SDK1: variants seen among roughly 807,000 people sequenced by gnomAD.
SDK1 encodes the protein sidekick cell adhesion molecule 1.
Under a neutral mutation model 245.5 loss-of-function variants are expected in SDK1, and 157 were observed. That is an observed-to-expected ratio of 0.64 (90% CI 0.56 to 0.73). SDK1 has a LOEUF of 0.73. Ranked by LOEUF, SDK1 falls within the 30% of genes least tolerant of loss-of-function variation. The probability of loss-of-function intolerance (pLI) is 0.00; values close to 1 mark genes in which losing one functional copy is unlikely to be tolerated. For missense variants in SDK1, 3,583 were observed against 3,002.3 expected (o/e 1.19, Z -4.52); for synonymous variants, 1,647 against 1,278.5 (o/e 1.29, Z -6.15).
At chr7:3,706,916 T>G (rs1450383666) in intron 4 of SDK1, among the ~76,000 whole-genome samples, 1 of 152,208 alleles carries the variant, frequency 6.6e-6, no homozygotes, top group Non-Finnish European at 1.5e-5. Context: ...GTCTCTAGTT[T>G]TATTACTAAT....
At chr7:3,384,730 C>T (rs10277545) in intron 1 of SDK1, among the ~76,000 whole-genome samples, 71,975 of 152,112 alleles carry the variant, frequency 0.47, 18,815 homozygotes, top group East Asian at 0.61. Context: ...GCTGCACTTA[C>T]ACCTACGTGT....
intron 5 of SDK1, among the ~76,000 whole-genome samples, chr7:3,917,859 C>T (rs1254818407): frequency 6.6e-6 from 1 of 152,154 alleles, no homozygotes. Context: ...ATTCTGCACA[C>T]ACACCTCCTC....
intron 5 of SDK1, among the ~76,000 whole-genome samples, chr7:3,899,108 C>T (rs1408988557): frequency 6.6e-6 from 1 of 152,142 alleles, no homozygotes; most frequent in African/African-American, 2.4e-5. Flanking sequence ...GTGATCCTGT[C>T]AGTCTTACTG....
At chr7:3,473,143 T>G (rs1781236406) in intron 1 of SDK1, among the ~76,000 whole-genome samples, 1 of 152,178 alleles carries the variant, frequency 6.6e-6, no homozygotes, top group Non-Finnish European at 1.5e-5. Context: ...AAGGTCAGCA[T>G]TGACTCTGAT....
At chr7:3,396,393 T>G (rs2128571845) in intron 1 of SDK1, among the ~76,000 whole-genome samples, 1 of 151,968 alleles carries the variant, frequency 6.6e-6, no homozygotes, top group Non-Finnish European at 1.5e-5. Flanking sequence ...TTTAGATGTG[T>G]GTTAAGGTAA....
intron 1 of SDK1, among the ~76,000 whole-genome samples, chr7:3,396,998 G>A (rs1329773814): frequency 2.0e-5 from 3 of 151,418 alleles, no homozygotes; most frequent in Non-Finnish European, 4.4e-5. Context: ...CATTCTTGTT[G>A]TTTCTTTTAG....
In SDK1 at chr7:3,833,494, C is replaced by G. The variant is rs376555864; in HGVS notation, c.847+11911C>G. On this transcript the variant is annotated intron_variant, in intron 5 of 44. Transcript: ENST00000404826. The stretch of plus-strand genomic sequence containing the variant: ...AATTCAAACTTCTTCCTTTCTAATC[C>G]TTAAAACATTGGGATGTAAAGAAAT... Among the ~76,000 whole-genome samples, 29 of 152,208 alleles carry G rather than the reference C, an allele frequency of 1.9e-4. No individual in the cohort carries two copies. In the East Asian group the frequency reaches 2.9e-3, roughly 15 times the overall value.
intron 35 of SDK1, among the ~76,000 whole-genome samples, chr7:4,197,980 C>T (rs920362521): frequency 6.6e-6 from 1 of 152,210 alleles, no homozygotes; most frequent in African/African-American, 2.4e-5. Flanking sequence ...CAGGAATGCT[C>T]AGCTCATCCG....
chr7:4,054,610 T>G (rs936455120), intron 19 of SDK1, among the ~76,000 whole-genome samples: 14 of 152,190 alleles, frequency 9.2e-5, no homozygotes, highest in African/African-American at 3.1e-4. Flanking sequence ...CCTGTATGCC[T>G]TTCATTTCCT....
intron 16 of SDK1, among the ~76,000 whole-genome samples, chr7:4,012,855 G>T (rs950584715): frequency 6.6e-6 from 1 of 152,006 alleles, no homozygotes; most frequent in Non-Finnish European, 1.5e-5. Flanking sequence ...GGGATTACAG[G>T]CGTGAGGCAC....
In SDK1 at chr7:4,104,450, C is replaced by T. The variant is rs377119505; in HGVS notation, c.3325-6213C>T. Among the ~76,000 whole-genome samples, 922 of 152,366 alleles carry T rather than the reference C, an allele frequency of 6.1e-3. 24 individuals carry two copies. The South Asian group carries it at 0.095, about 16-fold the overall frequency. On this transcript the variant is annotated intron_variant, in intron 22 of 44. Coordinates refer to ENST00000404826, the MANE Select transcript of SDK1 (RefSeq NM_152744.4). ...ACTGTTTGTTGATTTGGCCCAGACT[C>T]TGTGAAGTTGGATGCTACCTCATAG...
intron 1 of SDK1, among the ~76,000 whole-genome samples, chr7:3,470,795 TG>T (rs1781161152): frequency 6.6e-6 from 1 of 152,190 alleles, no homozygotes; most frequent in South Asian, 2.1e-4. Flanking sequence ...CTTAGGCTTA[TG>T]TTTTCCATTT....
chr7:3,823,140 G>T (rs979949594), intron 5 of SDK1, among the ~76,000 whole-genome samples: 2 of 152,160 alleles, frequency 1.3e-5, no homozygotes, highest in East Asian at 1.9e-4. Flanking sequence ...GTACTGTGAC[G>T]TAAAGGAGTG....
At chr7:4,180,661 G>C (rs1161393698) in intron 35 of SDK1, among the ~76,000 whole-genome samples, 1 of 152,244 alleles carries the variant, frequency 6.6e-6, no homozygotes, top group Non-Finnish European at 1.5e-5. Context: ...TCACAATTCT[G>C]CAGGCTGCGC....
intron 13 of SDK1, among the ~76,000 whole-genome samples, chr7:3,983,552 G>T (rs2128137781): frequency 6.6e-6 from 1 of 152,350 alleles, no homozygotes; most frequent in Non-Finnish European, 1.5e-5. Context: ...ATAGACTGCA[G>T]TAGAGTATAA....
In SDK1 at chr7:3,941,305, C is replaced by T. The variant is rs77448450; in HGVS notation, c.848-9618C>T. Among the ~76,000 whole-genome samples, 504 of 152,194 alleles carry T rather than the reference C, an allele frequency of 3.3e-3. 6 individuals are homozygous for T. Among genetic ancestry groups the T allele is most frequent in the African/African-American group, 0.012 (487 of 41,506 alleles). On this transcript the variant is annotated intron_variant, in intron 5 of 44. Transcript: ENST00000404826. ...TAGGCTTTGGTTGTGGCTCCCTGAC[C>T]GTGCTCCCACCCGCTCTAGACAGTG... is the stretch of plus-strand genomic sequence containing the variant.
rs756944353 is a variant in SDK1 at position 3,852,574 on chromosome 7, C to T, written c.847+30991C>T. ...CATCCTGGCTAACACGGTGAAACCC[C>T]GTCTCTACTAAAAAATACAAAAAAA... On this transcript the variant is annotated intron_variant, in intron 5 of 44. Coordinates refer to ENST00000404826, the MANE Select transcript of SDK1 (RefSeq NM_152744.4). Among the ~76,000 whole-genome samples the T allele has an allele frequency of 1.5e-3, 231 of 151,006 alleles. 1 individual carries two copies. Among genetic ancestry groups the T allele is most frequent in the African/African-American group, 4.4e-3 (183 of 41,180 alleles).
chr7:3,809,619 A>T (rs115730649), intron 4 of SDK1, among the ~76,000 whole-genome samples: 1 of 152,230 alleles, frequency 6.6e-6, no homozygotes, highest in Non-Finnish European at 1.5e-5. Context: ...AGCATTTCAA[A>T]AAGCAGTTCA....
chr7:3,770,157 T>C (rs1189810915), intron 4 of SDK1, among the ~76,000 whole-genome samples: 10 of 152,130 alleles, frequency 6.6e-5, no homozygotes, highest in Non-Finnish European at 1.5e-4. Context: ...GTATCTGGAC[T>C]GTATCCGTTT....
Sources: allele counts gnomAD v4.1 joint callset (sites outside exome capture counted in the v4.1 genomes callset), GRCh38; gene constraint gnomAD v4.1.1; transcripts MANE v1.5; gene names NCBI Gene and HGNC (gene_info 2026-07-23, HGNC 2026-07-21).